The following TSC22D2 variants were observed in gnomAD, a reference collection of about 807,000 sequenced individuals.
TSC22D2 encodes TSC22 domain family protein 2.
In TSC22D2, 5 loss-of-function variants were observed where a neutral mutation model predicts 50.1. The observed-to-expected ratio is 0.10, with a 90% CI of 0.05 to 0.21. The LOEUF is 0.21. Among genes scored for constraint, TSC22D2 ranks in the 10% least tolerant of loss-of-function variants. The pLI, the probability that TSC22D2 is intolerant of heterozygous loss-of-function variation, is 1.00. For synonymous variants in TSC22D2, 501 were observed against 450.1 expected (o/e 1.11, Z -1.43); for missense variants, 1,003 against 1,015.5 (o/e 0.99, Z 0.17).
chr3:150,419,532 T>G (rs765422836), intron 1 of TSC22D2, among the ~76,000 whole-genome samples: 1 of 152,114 alleles, frequency 6.6e-6, no homozygotes, highest in Non-Finnish European at 1.5e-5. Flanking sequence ...TGGCATAGAT[T>G]AAGAGAAAGA....
chr3:150,439,537 C>G (rs1232080981), intron 1 of TSC22D2, among the ~76,000 whole-genome samples: 2 of 152,026 alleles, frequency 1.3e-5, no homozygotes, highest in East Asian at 1.9e-4. Flanking sequence ...AGGAAAATAA[C>G]TTCTAATTTC....
intron 1 of TSC22D2, among the ~76,000 whole-genome samples, chr3:150,414,299 C>T (rs1019814592): frequency 6.6e-6 from 1 of 152,108 alleles, no homozygotes; most frequent in Non-Finnish European, 1.5e-5. Context: ...AAATACAGTC[C>T]TTAAATATGT....
intron 1 of TSC22D2, among the ~76,000 whole-genome samples, chr3:150,420,177 C>G (rs1401362484): frequency 6.6e-6 from 1 of 152,158 alleles, no homozygotes; most frequent in East Asian, 1.9e-4. Context: ...GATGATCAAG[C>G]CTTTCAATCT....
chr3:150,409,661 G>C lies in TSC22D2; in HGVS notation c.311G>C (p.Gly104Ala). 6.2e-7 allele frequency: 1 copy of C among 1,602,658 alleles called. No homozygotes were observed. Among genetic ancestry groups the C allele is most frequent in the African/African-American group, 1.3e-5 (1 of 74,854 alleles). ...GCGGCGGCTGCTGCTCCCGCCAACG[G>C]AGGAGGAGTCGTTTCGGCCCGGAGC... ...LAAAAAAPAN[G>A]GGVVSARSVS... Residue 104 changes from glycine to alanine, a missense_variant, in exon 1 of 3, where the codon GGA (glycine) becomes GCA (alanine). Gly to Ala is a moderately conservative substitution (Grantham distance 60). Coordinates refer to ENST00000688009, the MANE Select transcript of TSC22D2 (RefSeq NM_001303264.2). The surrounding 1 kb of genome is among the most constrained non-coding windows in gnomAD (Gnocchi z 7.4).
At chr3:150,411,384 A>AT (rs3840253) in intron 1 of TSC22D2, 76 bp downstream of exon 1, 895,826 of 1,454,504 alleles carry the variant, frequency 0.62, 279,415 homozygotes, top group African/African-American at 0.69. Context: ...ACTTTGGGAG[A>AT]TTGTTGTCAA....
chr3:150,431,832 T>C (rs572887003), intron 1 of TSC22D2, among the ~76,000 whole-genome samples: 1 of 152,332 alleles, frequency 6.6e-6, no homozygotes, highest in East Asian at 1.9e-4. Context: ...AGTATATTCA[T>C]GTACTTCCCT....
intron 1 of TSC22D2, among the ~76,000 whole-genome samples, chr3:150,435,335 T>G (rs1421713221): frequency 1.3e-5 from 2 of 152,218 alleles, no homozygotes; most frequent in Non-Finnish European, 2.9e-5. Flanking sequence ...TTTATTTTAT[T>G]TAGGTACATT....
In TSC22D2 at chr3:150,425,503, C is replaced by T. The variant is rs376238597; in HGVS notation, c.1958+14195C>T. Among the ~76,000 whole-genome samples, 30 of 152,180 alleles carry T rather than the reference C, an allele frequency of 2.0e-4. No homozygotes were observed. In the South Asian group the frequency reaches 6.2e-3, roughly 32 times the overall value. Reference sequence around the variant, plus strand: ...TGCACTCCAACCTGGGTGACAAGAGCGAAACTCCATCTCAAAAAGAAAAAG... The same window carrying T: ...TGCACTCCAACCTGGGTGACAAGAGTGAAACTCCATCTCAAAAAGAAAAAG... On this transcript the variant is annotated intron_variant, in intron 1 of 2. Coordinates refer to ENST00000688009, the MANE Select transcript of TSC22D2 (RefSeq NM_001303264.2).
intron 1 of TSC22D2, among the ~76,000 whole-genome samples, chr3:150,429,296 T>C (rs1720300915): frequency 6.6e-6 from 1 of 152,152 alleles, no homozygotes; most frequent in Non-Finnish European, 1.5e-5. Context: ...GCACCAGTTA[T>C]CACCATGCTG....
intron 1 of TSC22D2, among the ~76,000 whole-genome samples, chr3:150,413,435 G>A (rs1210981367): frequency 1.3e-5 from 2 of 151,928 alleles, no homozygotes; most frequent in African/African-American, 4.8e-5. Flanking sequence ...TCTTTCATTG[G>A]TTTTTAACTT....
intron 1 of TSC22D2, among the ~76,000 whole-genome samples, chr3:150,422,349 C>G (rs1442002700): frequency 6.6e-6 from 1 of 151,958 alleles, no homozygotes; most frequent in Non-Finnish European, 1.5e-5. Context: ...CCAGAAGAGC[C>G]CATCAGTTAA....
rs369915065 is a variant in TSC22D2, at chr3:150,456,194, TG to T, written c.1959-881del. 1.9e-3 allele frequency among the ~76,000 whole-genome samples: 271 copies of T among 140,700 alleles called. 3 individuals are homozygous for T. Among genetic ancestry groups the T allele is most frequent in the Non-Finnish European group, 1.1e-3 (71 of 65,156 alleles). 92.3% of individuals were successfully genotyped at this position (140,700 alleles called of 152,430 possible). A position where few individuals can be genotyped will look rare whatever the true frequency, so the allele number is the denominator to read the frequency against. ...TGTTTCTTTTTGTTTTTTTTTTTTTTGTTTTTTTTTGAGATGGAGTTTTGCT... is the reference window on the plus strand; with the variant it reads ...TGTTTCTTTTTGTTTTTTTTTTTTTTTTTTTTTTTGAGATGGAGTTTTGCT... On this transcript the variant is annotated intron_variant, in intron 1 of 2. Transcript: ENST00000688009.
At chr3:150,422,738 TTAGGC>T (rs1720054508) in intron 1 of TSC22D2, among the ~76,000 whole-genome samples, 1 of 152,202 alleles carries the variant, frequency 6.6e-6, no homozygotes, top group Non-Finnish European at 1.5e-5. Context: ...AGAGTGTTGA[TTAGGC>T]TATGAATTTG....
intron 1 of TSC22D2, among the ~76,000 whole-genome samples, chr3:150,431,515 C>T (rs964407453): frequency 6.6e-6 from 1 of 151,986 alleles, no homozygotes; most frequent in African/African-American, 2.4e-5. Flanking sequence ...TTTTTCCCTT[C>T]CTGTCTTGTT....
Position 150,461,640 on chromosome 3 carries a change from AAC to A in TSC22D2, c.*3006_*3007del, listed in dbSNP as rs1402516585. The A allele has an allele frequency of 1.3e-5, 2 of 151,590 alleles. No homozygotes were observed. The highest frequency in any genetic ancestry group is 2.1e-4 in the South Asian group (1 of 4,834). The allele number at this position is 151,590 out of a possible 1,614,324, so 9.4% of individuals were successfully genotyped here. ...AGTAGGGGTTAGGAGGCATTAAATA[AAC>A]AGTTTCCTTAACTCCTGATTGTCCA... On this transcript the variant is annotated 3_prime_UTR_variant, in exon 3 of 3. Coordinates refer to ENST00000688009, the MANE Select transcript of TSC22D2 (RefSeq NM_001303264.2).
chr3:150,424,554 A>G (rs1720115949), intron 1 of TSC22D2, among the ~76,000 whole-genome samples: 1 of 152,204 alleles, frequency 6.6e-6, no homozygotes, highest in South Asian at 2.1e-4. Flanking sequence ...TTTGTTTCAT[A>G]ATAAAACCAC....
intron 1 of TSC22D2, among the ~76,000 whole-genome samples, chr3:150,435,904 T>C (rs1181873168): frequency 7.8e-6 from 1 of 127,614 alleles, no homozygotes; most frequent in East Asian, 2.3e-4. Context: ...AAGATTATGA[T>C]TGATAATATT....
chr3:150,432,478 T>A (rs1239937170), intron 1 of TSC22D2, among the ~76,000 whole-genome samples: 8 of 151,926 alleles, frequency 5.3e-5, no homozygotes, highest in African/African-American at 1.9e-4. Context: ...AAACCAAGGC[T>A]TTGAATAGAA....
chr3:150,415,247 C>T (rs1314826192), intron 1 of TSC22D2, among the ~76,000 whole-genome samples: 2 of 152,154 alleles, frequency 1.3e-5, no homozygotes, highest in African/African-American at 2.4e-5. Flanking sequence ...CTTTTATATT[C>T]ACAGTGACAC....
Sources: gnomAD v4.1 joint callset for allele counts (sites outside exome capture counted in the v4.1 genomes callset) on GRCh38, gnomAD v4.1.1 for gene constraint, Gnocchi (gnomAD v3.1) non-coding constraint, MANE v1.5 for transcripts, NCBI Gene and HGNC (gene_info 2026-07-23, HGNC 2026-07-21) for gene names.